Variants in OR2AT4 observed in about 807,000 individuals in gnomAD.
OR2AT4 encodes olfactory receptor 2AT4.
A neutral mutation model predicts 10.3 loss-of-function variants in OR2AT4; 6 were observed. That is an observed-to-expected ratio of 0.58 (90% CI 0.32 to 1.15). The LOEUF (loss-of-function observed/expected upper bound fraction) is 1.15, where lower values mean the gene tolerates loss of function less well. OR2AT4 is among the 50% of genes most tolerant of loss of function. The pLI is 0.05. For missense variants in OR2AT4, 354 were observed against 393.8 expected, an observed-to-expected ratio of 0.90 and a Z score of 0.85; for synonymous variants, 145 against 159.1, an observed-to-expected ratio of 0.91 and a Z score of 0.67.
intron 1 of OR2AT4, among the ~76,000 whole-genome samples, chr11:75,093,761 A>G (rs1392598700): frequency 6.8e-6 from 1 of 146,494 alleles, no homozygotes; most frequent in Admixed American, 6.8e-5. Context: ...ACCTGGAAAT[A>G]TCCAGGCGGC....
At chr11:75,095,810 TG>T (rs1476694664) in intron 1 of OR2AT4, among the ~76,000 whole-genome samples, 21 of 152,078 alleles carry the variant, frequency 1.4e-4, no homozygotes, top group Admixed American at 7.9e-4. Context: ...CCCGAGTAGC[TG>T]GGATTACAGG....
chr11:75,088,903 G>C (rs750451488), exon 2 of OR2AT4: 1 of 1,613,986 alleles, frequency 6.2e-7, no homozygotes, highest in Non-Finnish European at 8.5e-7. Flanking sequence ...TCAAGGGGCA[G>C]GTCAGCCCTG....
At chr11:75,093,897 C>T (rs1452682547) in intron 1 of OR2AT4, among the ~76,000 whole-genome samples, 6 of 133,944 alleles carry the variant, frequency 4.5e-5, no homozygotes, top group African/African-American at 1.6e-4. Flanking sequence ...GCTCGGCTCA[C>T]TGCAACCTCT....
chr11:75,095,357 C>T (rs1204311384), intron 1 of OR2AT4, among the ~76,000 whole-genome samples: 1 of 152,184 alleles, frequency 6.6e-6, no homozygotes, highest in African/African-American at 2.4e-5. Context: ...CCAAATTCAG[C>T]TCAAATATTA....
chr11:75,089,295 A>G (rs1416061060), exon 2 of OR2AT4: 2 of 1,614,098 alleles, frequency 1.2e-6, no homozygotes, highest in Non-Finnish European at 1.7e-6. Flanking sequence ...TGGGTTCATG[A>G]GGACAGGGTA....
intron 1 of OR2AT4, among the ~76,000 whole-genome samples, chr11:75,091,864 A>C (rs1042866962): frequency 6.6e-6 from 1 of 152,230 alleles, no homozygotes. Flanking sequence ...AATTGTATAC[A>C]TAAGATCTGC....
At chr11:75,095,037 G>C (rs1332753774) in intron 1 of OR2AT4, among the ~76,000 whole-genome samples, 1 of 152,178 alleles carries the variant, frequency 6.6e-6, no homozygotes, top group Non-Finnish European at 1.5e-5. Flanking sequence ...ATTGGGGTTT[G>C]AGGGGAGAAA....
At chr11:75,084,147 A>G (rs972628731) in exon 2 of OR2AT4, 3 of 152,138 alleles carry the variant, frequency 2.0e-5, no homozygotes, top group African/African-American at 7.2e-5. Flanking sequence ...GGAGCTAAAC[A>G]TTGGGTACTT....
At chr11:75,088,018 A>G (rs1370291611) in exon 2 of OR2AT4, 1 of 152,146 alleles carries the variant, frequency 6.6e-6, no homozygotes, top group Non-Finnish European at 1.5e-5. Flanking sequence ...CTTAACACAT[A>G]TCCTAGAGAT....
exon 2 of OR2AT4, chr11:75,084,532 C>T (rs1949281004): frequency 1.3e-5 from 2 of 152,104 alleles, no homozygotes; most frequent in Admixed American, 1.3e-4. Flanking sequence ...ATAGAACACT[C>T]CACATAATAG....
At chr11:75,092,286 C>T (rs147876031) in intron 1 of OR2AT4, among the ~76,000 whole-genome samples, 6 of 152,298 alleles carry the variant, frequency 3.9e-5, no homozygotes, top group Admixed American at 1.3e-4. Context: ...AGTACAACCA[C>T]TTCGGATAAC....
chr11:75,094,301 G>T (rs987522642), intron 1 of OR2AT4, among the ~76,000 whole-genome samples: 2 of 151,994 alleles, frequency 1.3e-5, no homozygotes, highest in Non-Finnish European at 2.9e-5. Flanking sequence ...TGAGGGGAGA[G>T]ACTGGGGCAA....
intron 1 of OR2AT4, among the ~76,000 whole-genome samples, chr11:75,095,316 G>A (rs903190664): frequency 6.6e-6 from 1 of 152,136 alleles, no homozygotes; most frequent in African/African-American, 2.4e-5. Flanking sequence ...CTAGTCAAAT[G>A]GCAACTCCTT....
intron 1 of OR2AT4, among the ~76,000 whole-genome samples, chr11:75,093,414 C>A (rs1454986873): frequency 2.0e-5 from 3 of 152,256 alleles, no homozygotes; most frequent in Non-Finnish European, 2.9e-5. Flanking sequence ...TGCTAGAGAA[C>A]AAGTCGTCTT....
exon 2 of OR2AT4, chr11:75,087,918 T>A (rs986163635): frequency 3.9e-5 from 6 of 152,238 alleles, no homozygotes; most frequent in African/African-American, 1.4e-4. Context: ...TCTTTATGAG[T>A]TCACATTTTC....
chr11:75,089,621 A>G (rs1396167687), exon 2 of OR2AT4: 5 of 1,613,966 alleles, frequency 3.1e-6, no homozygotes, highest in Non-Finnish European at 3.4e-6. Flanking sequence ...TAAAAAACAC[A>G]GGGAGGAAGA....
At chr11:75,093,337 C>G (rs1327665909) in intron 1 of OR2AT4, among the ~76,000 whole-genome samples, 1 of 152,238 alleles carries the variant, frequency 6.6e-6, no homozygotes, top group Non-Finnish European at 1.5e-5. Flanking sequence ...ATCCTGTAGT[C>G]TTCCCTAGCC....
chr11:75,089,480 G>C, exon 2 of OR2AT4: 1 of 1,614,200 alleles, frequency 6.2e-7, no homozygotes, highest in Admixed American at 1.7e-5. Context: ...TGGTTGTGGT[G>C]AAAAGGATGT....
exon 2 of OR2AT4, chr11:75,085,819 C>A (rs529172541): frequency 2.6e-5 from 4 of 152,038 alleles, no homozygotes; most frequent in Non-Finnish European, 5.9e-5. Context: ...CCCTCCCCTC[C>A]CCAAATCCCA....
Sources: allele counts gnomAD v4.1 joint callset (sites outside exome capture counted in the v4.1 genomes callset), GRCh38; gene constraint gnomAD v4.1.1; transcripts MANE v1.5; gene names NCBI Gene and HGNC (gene_info 2026-07-23, HGNC 2026-07-21).